Variants in LDB2 observed in about 807,000 individuals in gnomAD.
LDB2 encodes the protein LIM domain binding 2, also known as LIM domain-binding protein 2.
A neutral mutation model predicts 44.3 loss-of-function variants in LDB2; 12 were observed. The observed-to-expected ratio is 0.27, with a 90% CI of 0.17 to 0.44. The LOEUF is 0.44. Among genes scored for constraint, LDB2 ranks in the 20% least tolerant of loss-of-function variants. The pLI is 1.00. For synonymous variants in LDB2, 164 were observed against 174.8 expected, an observed-to-expected ratio of 0.94 and a Z score of 0.49; for missense variants, 344 against 473.5, an observed-to-expected ratio of 0.73 and a Z score of 2.54.
In LDB2 at chr4:16,613,957, C is replaced by A. The variant is rs556852324; in HGVS notation, c.236-18082G>T. On this transcript the variant is annotated intron_variant, in intron 2 of 7. Transcript: ENST00000304523. ...TGGAATCAAAGAAGACCTTGTATAG[C>A]CAAGACAATCTTAAGTGAAAAGAAC... is the stretch of plus-strand genomic sequence containing the variant. Among the ~76,000 whole-genome samples, 4 of 152,260 alleles carry A rather than the reference C, an allele frequency of 2.6e-5. No homozygotes were observed. In the South Asian group the frequency reaches 6.2e-4, roughly 24 times the overall value.
At chr4:16,579,277 C>T (rs1713261597) in intron 5 of LDB2, among the ~76,000 whole-genome samples, 1 of 152,022 alleles carries the variant, frequency 6.6e-6, no homozygotes, top group Non-Finnish European at 1.5e-5. Flanking sequence ...TATCAAAATA[C>T]CTCATGTAAC....
rs139417652 is a variant in LDB2, at chr4:16,727,902, C to A, written c.235+31256G>T. ...GGGTCATTATCTAGCCCAAGTTTTA[C>A]AGATAAATAAACTGAAGGAAGCTCA... On this transcript the variant is annotated intron_variant, in intron 2 of 7. Coordinates refer to ENST00000304523, the MANE Select transcript of LDB2 (RefSeq NM_001290.5). Among the ~76,000 whole-genome samples, 553 of 152,240 alleles carry A rather than the reference C, an allele frequency of 3.6e-3. 2 individuals are homozygous for A. Among genetic ancestry groups the A allele is most frequent in the African/African-American group, 0.012 (515 of 41,550 alleles).
chr4:16,818,537 T>C (rs1283613916), intron 1 of LDB2, among the ~76,000 whole-genome samples: 1 of 152,216 alleles, frequency 6.6e-6, no homozygotes, highest in Non-Finnish European at 1.5e-5. Context: ...TTTCCTTCAT[T>C]GACTTCTTTT....
chr4:16,506,174 G>T, intron 7 of LDB2: 1 of 518,820 alleles, frequency 1.9e-6, no homozygotes, highest in Admixed American at 3.6e-5. Context: ...TCAGTAGACA[G>T]GGTTAAAAGA....
chr4:16,604,110 C>G (rs770799907), intron 2 of LDB2, among the ~76,000 whole-genome samples: 14 of 152,270 alleles, frequency 9.2e-5, no homozygotes, highest in Non-Finnish European at 1.6e-4. Flanking sequence ...GCCTTGGCTT[C>G]CCAAAAGGCT....
intron 5 of LDB2, among the ~76,000 whole-genome samples, chr4:16,557,205 G>A (rs1318364517): frequency 6.6e-6 from 1 of 152,188 alleles, no homozygotes; most frequent in African/African-American, 2.4e-5. Context: ...TCTCACTAGG[G>A]AGTGCTGGAC....
intron 4 of LDB2, among the ~76,000 whole-genome samples, chr4:16,586,284 C>T (rs372586418): frequency 9.9e-5 from 15 of 152,040 alleles, no homozygotes; most frequent in Middle Eastern, 3.2e-3. Context: ...TTGGAGAGGC[C>T]TTGGCACTCG....
At chr4:16,612,115 C>T (rs1578199308) in intron 2 of LDB2, among the ~76,000 whole-genome samples, 1 of 152,100 alleles carries the variant, frequency 6.6e-6, no homozygotes, top group South Asian at 2.1e-4. Context: ...TGAATGACTC[C>T]TGGGTAAATA....
At chr4:16,833,757 G>T (rs1160525906) in intron 1 of LDB2, among the ~76,000 whole-genome samples, 2 of 152,124 alleles carry the variant, frequency 1.3e-5, no homozygotes, top group Non-Finnish European at 2.9e-5. Context: ...TGTCCAGGAT[G>T]GTCTCGATCT....
chr4:16,572,606 T>G (rs543096035), intron 5 of LDB2, among the ~76,000 whole-genome samples: 30 of 152,312 alleles, frequency 2.0e-4, no homozygotes, highest in Middle Eastern at 3.4e-3. Flanking sequence ...TGTGTATTTT[T>G]TTTAATGTGC....
chr4:16,856,163 T>C (rs1580260800), intron 1 of LDB2, among the ~76,000 whole-genome samples: 1 of 152,096 alleles, frequency 6.6e-6, no homozygotes, highest in Non-Finnish European at 1.5e-5. Context: ...ATTAAACAAA[T>C]ATTAAAGAGA....
At chr4:16,654,179 G>A (rs1433246275) in intron 2 of LDB2, among the ~76,000 whole-genome samples, 1 of 152,110 alleles carries the variant, frequency 6.6e-6, no homozygotes, top group Non-Finnish European at 1.5e-5. Flanking sequence ...AACAATATAA[G>A]GAAATTATGA....
intron 2 of LDB2, among the ~76,000 whole-genome samples, chr4:16,749,588 AAAT>A (rs1403814357): frequency 1.4e-5 from 2 of 145,584 alleles, no homozygotes; most frequent in African/African-American, 5.1e-5. Flanking sequence ...AAATAAAAAA[AAAT>A]ATATATATAT....
At chr4:16,862,358 G>A (rs1249006498) in intron 1 of LDB2, among the ~76,000 whole-genome samples, 1 of 151,942 alleles carries the variant, frequency 6.6e-6, no homozygotes, top group East Asian at 1.9e-4. Context: ...CCCTGGCCGG[G>A]CGTGCTGGCT....
intron 1 of LDB2, among the ~76,000 whole-genome samples, chr4:16,763,231 C>G (rs1378782809): frequency 1.3e-5 from 2 of 152,020 alleles, no homozygotes; most frequent in Non-Finnish European, 2.9e-5. Flanking sequence ...TTTTGTTTGG[C>G]TGATAGAACA....
chr4:16,714,471 GC>G (rs1183064705), intron 2 of LDB2, among the ~76,000 whole-genome samples: 5 of 152,066 alleles, frequency 3.3e-5, no homozygotes, highest in Non-Finnish European at 2.9e-5. Context: ...TCTCTGTGTA[GC>G]TTTGGGCAAG....
intron 1 of LDB2, among the ~76,000 whole-genome samples, chr4:16,855,292 G>A (rs1367623779): frequency 6.6e-6 from 1 of 152,082 alleles, no homozygotes; most frequent in African/African-American, 2.4e-5. Flanking sequence ...AAGCTATAAA[G>A]AAGCAATCAT....
intron 1 of LDB2, chr4:16,888,583 G>T: frequency 2.8e-6 from 1 of 359,506 alleles, no homozygotes; most frequent in Non-Finnish European, 3.9e-6. Flanking sequence ...TGCAAGTTTT[G>T]TTTATTAAAT....
chr4:16,559,913 C>G (rs1392449592), intron 5 of LDB2, among the ~76,000 whole-genome samples: 1 of 151,736 alleles, frequency 6.6e-6, no homozygotes, highest in African/African-American at 2.4e-5. Flanking sequence ...TTAAGAAACT[C>G]ACTCAAAACC....
Sources: gnomAD v4.1 joint callset for allele counts (sites outside exome capture counted in the v4.1 genomes callset) on GRCh38, gnomAD v4.1.1 for gene constraint, MANE v1.5 for transcripts, NCBI Gene and HGNC (gene_info 2026-07-23, HGNC 2026-07-21) for gene names.